The following MKLN1 variants were observed in gnomAD, a reference collection of about 807,000 sequenced individuals.
MKLN1 encodes the protein muskelin.
Under a neutral mutation model 99.0 loss-of-function variants are expected in MKLN1, and 18 were observed. The ratio of observed to expected loss-of-function variants is 0.18; its 90% CI spans 0.13 to 0.27. The LOEUF is 0.27. MKLN1 is among the 10% of genes least tolerant of loss of function. The probability of loss-of-function intolerance (pLI) is 1.00; values close to 1 mark genes in which losing one functional copy is unlikely to be tolerated. For synonymous variants in MKLN1, 288 were observed against 293.2 expected (o/e 0.98, Z 0.18); for missense variants, 621 against 875.9 (o/e 0.71, Z 3.67).
chr7:131,220,260 A>G (rs375752829), intron 3 of MKLN1, among the ~76,000 whole-genome samples: 1 of 152,110 alleles, frequency 6.6e-6, no homozygotes, highest in Non-Finnish European at 1.5e-5. Context: ...CTCCCTAGTA[A>G]TCATTTATTG....
At chr7:131,365,074 C>T (rs181020218) in intron 1 of MKLN1, among the ~76,000 whole-genome samples, 16 of 152,280 alleles carry the variant, frequency 1.1e-4, no homozygotes, top group African/African-American at 3.6e-4. Flanking sequence ...CTAATTTACA[C>T]TCCCACTAAC....
intron 2 of MKLN1, among the ~76,000 whole-genome samples, chr7:131,182,136 A>G (rs994550165): frequency 6.6e-6 from 1 of 152,006 alleles, no homozygotes; most frequent in Non-Finnish European, 1.5e-5. Context: ...TCCATCTCCA[A>G]AAAAAAACCC....
At chr7:131,377,453 A>C (rs910997016) in intron 2 of MKLN1, among the ~76,000 whole-genome samples, 3 of 152,028 alleles carry the variant, frequency 2.0e-5, no homozygotes, top group Non-Finnish European at 4.4e-5. Flanking sequence ...ATGTTAATGG[A>C]CTTACATTGT....
At chr7:131,175,518 A>G (rs988875162) in intron 2 of MKLN1, among the ~76,000 whole-genome samples, 7 of 152,228 alleles carry the variant, frequency 4.6e-5, no homozygotes, top group Non-Finnish European at 1.5e-5. Context: ...AAATAGGAAC[A>G]TCTAGAGAGT....
At chr7:131,169,034 A>C (rs886679727) in intron 2 of MKLN1, among the ~76,000 whole-genome samples, 3 of 152,050 alleles carry the variant, frequency 2.0e-5, no homozygotes, top group Admixed American at 1.3e-4. Flanking sequence ...CGCCTGGCTA[A>C]TATTTGTATT....
At chr7:131,419,395 C>T (rs1021087431) in intron 8 of MKLN1, among the ~76,000 whole-genome samples, 3 of 151,194 alleles carry the variant, frequency 2.0e-5, no homozygotes, top group African/African-American at 7.3e-5. Context: ...GGATTACAGG[C>T]GCCCGCCCAG....
At chr7:131,270,374 C>A (rs1293145215) in intron 3 of MKLN1, among the ~76,000 whole-genome samples, 1 of 152,318 alleles carries the variant, frequency 6.6e-6, no homozygotes, top group East Asian at 1.9e-4. Flanking sequence ...AGATGTGCTA[C>A]CATGCCCAGC....
At chr7:131,263,333 A>T (rs1797760520) in intron 3 of MKLN1, among the ~76,000 whole-genome samples, 1 of 142,102 alleles carries the variant, frequency 7.0e-6, no homozygotes. Flanking sequence ...GTGAGACCTC[A>T]TCTCTACAAT....
intron 10 of MKLN1, among the ~76,000 whole-genome samples, chr7:131,438,560 T>C (rs2116480151): frequency 6.6e-6 from 1 of 151,256 alleles, no homozygotes; most frequent in African/African-American, 2.4e-5. Context: ...TAAGCCATTT[T>C]AATATTAATA....
intron 1 of MKLN1, among the ~76,000 whole-genome samples, chr7:131,135,944 C>T (rs926673744): frequency 6.6e-6 from 1 of 152,076 alleles, no homozygotes; most frequent in Non-Finnish European, 1.5e-5. Context: ...TGAGTAGAAA[C>T]AATGATGTGA....
At chr7:131,483,722 A>T (rs1368625900) in intron 17 of MKLN1, among the ~76,000 whole-genome samples, 3 of 152,232 alleles carry the variant, frequency 2.0e-5, no homozygotes, top group African/African-American at 7.2e-5. Context: ...CACCAAACAG[A>T]TGGTGAAAGG....
At chr7:131,413,022 T>C (rs1794922217) in intron 7 of MKLN1, among the ~76,000 whole-genome samples, 1 of 152,222 alleles carries the variant, frequency 6.6e-6, no homozygotes, top group African/African-American at 2.4e-5. Context: ...TGCAAACTAA[T>C]GGATTCAACA....
chr7:131,328,108 A>G, intron 1 of MKLN1, 111 bp downstream of exon 1: 1 of 1,324,946 alleles, frequency 7.5e-7, no homozygotes, highest in Non-Finnish European at 1.0e-6. Context: ...GGGCCTGCTG[A>G]GGGGGACGTG....
Position 131,404,582 on chromosome 7 carries a change from ATTTG to A in MKLN1, c.703+5157_703+5160del, listed in dbSNP as rs1794645489. On this transcript the variant is annotated intron_variant, in intron 6 of 17. Coordinates refer to ENST00000352689, the MANE Select transcript of MKLN1 (RefSeq NM_013255.5). Reference sequence around the variant, plus strand: ...AGCACTGGAATTTCGGGTGTGAGCTATTTGTTTGTTTTCTCTTTTTCTTTTCTTT... The same window carrying A: ...AGCACTGGAATTTCGGGTGTGAGCTATTTGTTTTCTCTTTTTCTTTTCTTT... Among the ~76,000 whole-genome samples, 4 of 151,732 alleles carry A rather than the reference ATTTG, an allele frequency of 2.6e-5. No individual in the cohort carries two copies. In the South Asian group the frequency reaches 6.2e-4, roughly 24 times the overall value.
intron 3 of MKLN1, among the ~76,000 whole-genome samples, chr7:131,293,250 C>T (rs565653890): frequency 1.3e-5 from 2 of 152,324 alleles, no homozygotes; most frequent in African/African-American, 4.8e-5. Context: ...AGCTCCTAGT[C>T]AACTTACCAA....
chr7:131,396,613 TA>T lies in MKLN1; in HGVS notation c.401-653del, dbSNP rs1426342097. Among the ~76,000 whole-genome samples, 16 of 152,298 alleles carry T rather than the reference TA, an allele frequency of 1.1e-4. No individual in the cohort carries two copies. In the East Asian group the frequency reaches 2.9e-3, roughly 28 times the overall value. On this transcript the variant is annotated intron_variant, in intron 4 of 17. Coordinates refer to ENST00000352689, the MANE Select transcript of MKLN1 (RefSeq NM_013255.5). ...TCTAAGGAAATTTTTTATTGCCTTA[TA>T]TTGCTTATATATTGAGGGTTTAAAA...
At chr7:131,465,588 G>T (rs1481768161) in intron 14 of MKLN1, among the ~76,000 whole-genome samples, 1 of 152,060 alleles carries the variant, frequency 6.6e-6, no homozygotes, top group Non-Finnish European at 1.5e-5. Context: ...GCCCAGGCTG[G>T]AGTACAGTGG....
intron 3 of MKLN1, chr7:131,242,723 T>C: frequency 1.5e-6 from 1 of 687,350 alleles, no homozygotes; most frequent in Non-Finnish European, 2.8e-6. Flanking sequence ...CTCTGGTGGC[T>C]GGAATTGACC....
chr7:131,393,500 T>C (rs1794267093), intron 4 of MKLN1, among the ~76,000 whole-genome samples: 1 of 152,236 alleles, frequency 6.6e-6, no homozygotes, highest in African/African-American at 2.4e-5. Flanking sequence ...ACCTCCTTCC[T>C]CTAAAGGTAT....
Sources: allele counts gnomAD v4.1 joint callset (sites outside exome capture counted in the v4.1 genomes callset), GRCh38; gene constraint gnomAD v4.1.1; transcripts MANE v1.5; gene names NCBI Gene and HGNC (gene_info 2026-07-23, HGNC 2026-07-21).